CAP2: variants seen among roughly 807,000 people sequenced by gnomAD.
CAP2 encodes cyclase associated actin cytoskeleton regulatory protein 2.
CAP2 carries 24 observed loss-of-function variants against 57.7 expected under a neutral mutation model. That is an observed-to-expected ratio of 0.42 (90% CI 0.30 to 0.58). CAP2 has a LOEUF of 0.58. CAP2 is among the 20% of genes least tolerant of loss of function. The probability of loss-of-function intolerance (pLI) is 0.22; values close to 1 mark genes in which losing one functional copy is unlikely to be tolerated. For missense variants in CAP2, 501 were observed against 590.3 expected (o/e 0.85, Z 1.57); for synonymous variants, 194 against 207.2 (o/e 0.94, Z 0.55).
chr6:17,414,762 C>G (rs926676393), intron 1 of CAP2, among the ~76,000 whole-genome samples: 1 of 152,096 alleles, frequency 6.6e-6, no homozygotes, highest in Non-Finnish European at 1.5e-5. Context: ...TCCTTTGGGT[C>G]TATACCCAGT....
At chr6:17,499,260 G>A (rs1490436017) in intron 4 of CAP2, among the ~76,000 whole-genome samples, 1 of 151,546 alleles carries the variant, frequency 6.6e-6, no homozygotes. Context: ...TTAGCCAGGC[G>A]TGGTGGCACA....
At chr6:17,467,334 G>C (rs1162719301) in intron 4 of CAP2, among the ~76,000 whole-genome samples, 2 of 152,182 alleles carry the variant, frequency 1.3e-5, no homozygotes, top group Non-Finnish European at 2.9e-5. Flanking sequence ...CAATTCCCTT[G>C]TTGCTGAACT....
chr6:17,461,836 CA>C (rs566619833), intron 3 of CAP2, among the ~76,000 whole-genome samples: 2 of 149,072 alleles, frequency 1.3e-5, no homozygotes, highest in Non-Finnish European at 3.0e-5. Context: ...ACTAAAAATA[CA>C]AAAAAATTAG....
chr6:17,424,270 G>A (rs1046709440), intron 2 of CAP2, among the ~76,000 whole-genome samples: 19 of 151,976 alleles, frequency 1.3e-4, no homozygotes, highest in Admixed American at 2.0e-4. Flanking sequence ...CGTGGTGGCG[G>A]GCGCCTGTAG....
chr6:17,407,225 T>C (rs966677303), intron 1 of CAP2, among the ~76,000 whole-genome samples: 1 of 152,164 alleles, frequency 6.6e-6, no homozygotes, highest in Non-Finnish European at 1.5e-5. Flanking sequence ...CCCTTTTACT[T>C]TGGGCTCCCA....
chr6:17,516,070 C>G (rs1762270066), intron 7 of CAP2, among the ~76,000 whole-genome samples: 1 of 152,180 alleles, frequency 6.6e-6, no homozygotes. Context: ...CGGGGAGGTA[C>G]CCCTACCTCT....
intron 12 of CAP2, among the ~76,000 whole-genome samples, chr6:17,553,879 C>T (rs77790827): frequency 0.018 from 2,810 of 152,224 alleles, 76 homozygotes; most frequent in African/African-American, 0.062. Context: ...CAATTACTAT[C>T]AAAGAGGTGC....
At position 17,430,740 on chromosome 6, in the gene CAP2, T is replaced by C. The variant is rs1759707389; in HGVS notation, c.222+4050T>C. 2.0e-5 allele frequency among the ~76,000 whole-genome samples: 3 copies of C among 152,324 alleles called. No homozygotes were observed. In the South Asian group the frequency reaches 6.2e-4, roughly 32 times the overall value. On this transcript the variant is annotated intron_variant, in intron 3 of 12. Transcript: ENST00000229922. ...TTTTCGTAGAGACGGGGTTTTACCA[T>C]GTTGGCCAGGCTGGTCTTGAACTCC...
chr6:17,462,922 G>A, intron 3 of CAP2, 74 bp from the exon 4 acceptor site: 1 of 1,137,270 alleles, frequency 8.8e-7, no homozygotes, highest in Non-Finnish European at 1.3e-6. Context: ...ACCTACGGGT[G>A]GAATTGCCAG....
At chr6:17,518,982 C>G (rs1405477168) in intron 7 of CAP2, among the ~76,000 whole-genome samples, 1 of 152,138 alleles carries the variant, frequency 6.6e-6, no homozygotes, top group Non-Finnish European at 1.5e-5. Flanking sequence ...CAGACACAGT[C>G]CATTGCACAA....
intron 1 of CAP2, among the ~76,000 whole-genome samples, chr6:17,401,112 C>G (rs1758802613): frequency 6.6e-6 from 1 of 152,068 alleles, no homozygotes; most frequent in African/African-American, 2.4e-5. Context: ...TTATGTCCTC[C>G]CAAAATTCTT....
intron 8 of CAP2, among the ~76,000 whole-genome samples, chr6:17,540,599 A>C (rs1434725271): frequency 6.6e-6 from 1 of 152,158 alleles, no homozygotes; most frequent in East Asian, 1.9e-4. Flanking sequence ...TAAAAATACA[A>C]AAATTAGCTA....
At chr6:17,488,771 T>G (rs1387924017) in intron 4 of CAP2, among the ~76,000 whole-genome samples, 5 of 152,230 alleles carry the variant, frequency 3.3e-5, no homozygotes, top group African/African-American at 1.2e-4. Flanking sequence ...AGTTCTGTTG[T>G]CATCAAAGTT....
intron 3 of CAP2, among the ~76,000 whole-genome samples, chr6:17,446,533 G>A (rs1760262440): frequency 6.6e-6 from 1 of 152,234 alleles, no homozygotes; most frequent in African/African-American, 2.4e-5. Flanking sequence ...AAGAAGAGTA[G>A]GGAGGTGGCA....
intron 7 of CAP2, among the ~76,000 whole-genome samples, chr6:17,524,202 G>T (rs7742042): frequency 0.035 from 5,364 of 152,000 alleles, 330 homozygotes; most frequent in African/African-American, 0.12. Context: ...TGAAATTTGG[G>T]GTATTTGTGA....
intron 3 of CAP2, among the ~76,000 whole-genome samples, chr6:17,447,839 T>C (rs1760301985): frequency 1.3e-5 from 2 of 152,188 alleles, no homozygotes; most frequent in South Asian, 4.1e-4. Context: ...AAACCATGCC[T>C]CAGAAAGGTT....
chr6:17,397,460 C>G (rs936619583), intron 1 of CAP2, among the ~76,000 whole-genome samples: 2 of 151,776 alleles, frequency 1.3e-5, no homozygotes, highest in Admixed American at 6.6e-5. Flanking sequence ...TTTGGGAGGC[C>G]GAGGCGGGCG....
chr6:17,533,080 A>C (rs1462992655), intron 7 of CAP2, among the ~76,000 whole-genome samples: 1 of 15,386 alleles, frequency 6.5e-5, no homozygotes, highest in Admixed American at 7.9e-4. Flanking sequence ...CCCCCCACCA[A>C]AAAAAAAAAA....
chr6:17,447,207 G>A (rs1222073556), intron 3 of CAP2, among the ~76,000 whole-genome samples: 2 of 151,674 alleles, frequency 1.3e-5, no homozygotes, highest in African/African-American at 4.8e-5. Context: ...TGTAGAGACA[G>A]GGGGATCTCA....
Sources: gnomAD v4.1 joint callset for allele counts (sites outside exome capture counted in the v4.1 genomes callset) on GRCh38, gnomAD v4.1.1 for gene constraint, MANE v1.5 for transcripts, NCBI Gene and HGNC (gene_info 2026-07-23, HGNC 2026-07-21) for gene names.